Variants in THADA observed in about 807,000 individuals in gnomAD.
THADA encodes the protein tRNA (32-2'-O)-methyltransferase regulator THADA.
A neutral mutation model predicts 219.8 loss-of-function variants in THADA; 213 were observed. The ratio of observed to expected loss-of-function variants is 0.97; its 90% CI spans 0.87 to 1.09. The LOEUF (loss-of-function observed/expected upper bound fraction) is 1.09. Ranked by LOEUF, THADA falls within the 50% of genes least tolerant of loss-of-function variation. THADA has a pLI of 0.00. For synonymous variants in THADA, 1,018 were observed against 828.9 expected, an observed-to-expected ratio of 1.23 and a Z score of -3.92; for missense variants, 2,956 against 2,311.3, an observed-to-expected ratio of 1.28 and a Z score of -5.72.
rs748929596 is a variant in THADA at position 43,556,541 on chromosome 2, C to T, written c.2478G>A (p.Leu826=). 8 of 1,613,600 alleles carry T rather than the reference C, an allele frequency of 5.0e-6. No homozygotes were observed. Among genetic ancestry groups the T allele is most frequent in the Non-Finnish European group, 2.5e-6 (3 of 1,179,676 alleles). ...TAVHFQDSGK[L]QGLFQAALEL... is the part of the protein sequence containing the mutation. ...CCAATGCTGCCTGAAATAAGCCTTG[C>T]AGTTTCCCCGAATCCTAGAATAAAG... is the stretch of plus-strand genomic sequence containing the variant. Residue 826 remains leucine, a synonymous_variant, in exon 17 of 38, where the codon CTG becomes CTA. Coordinates refer to ENST00000405975, the MANE Select transcript of THADA (RefSeq NM_022065.5).
chr2:43,558,523 A>C (rs1210649640), intron 16 of THADA, among the ~76,000 whole-genome samples: 2 of 152,186 alleles, frequency 1.3e-5, no homozygotes, highest in Non-Finnish European at 2.9e-5. Flanking sequence ...AACACAATCT[A>C]ATCAGATGCC....
At chr2:43,522,161 T>C (rs1003022598) in intron 22 of THADA, among the ~76,000 whole-genome samples, 1 of 152,192 alleles carries the variant, frequency 6.6e-6, no homozygotes, top group African/African-American at 2.4e-5. Context: ...AATAGATGTG[T>C]GCAGGAAGGT....
chr2:43,461,251 A>T (rs1683611052), intron 26 of THADA, among the ~76,000 whole-genome samples: 1 of 152,230 alleles, frequency 6.6e-6, no homozygotes, highest in African/African-American at 2.4e-5. Context: ...TATTAAAGAG[A>T]GAATTTTTAA....
rs564117010 is a variant in THADA at position 43,353,822 on chromosome 2, AT to A, written c.4228-9586del. On this transcript the variant is annotated intron_variant, in intron 29 of 37. Transcript: ENST00000405975. ...AGGCATGGGCCACCAAGCTCAGCTA[AT>A]TTTTTTTTTTTTGAGATGTAGTCTC... Among the ~76,000 whole-genome samples, 79 of 138,966 alleles carry A rather than the reference AT, an allele frequency of 5.7e-4. 1 individual carries two copies. The highest frequency in any genetic ancestry group is 6.4e-4 in the Admixed American group (9 of 14,032). 91.2% of individuals were successfully genotyped at this position (138,966 alleles called of 152,430 possible).
chr2:43,427,845 A>T (rs902528697), intron 28 of THADA, among the ~76,000 whole-genome samples: 1 of 149,198 alleles, frequency 6.7e-6, no homozygotes, highest in Non-Finnish European at 1.5e-5. Flanking sequence ...AGCCCCAGCT[A>T]CTCCGGAGGC....
Position 43,592,426 on chromosome 2 carries a change from A to G in THADA, c.-24-10T>C. The G allele has an allele frequency of 6.8e-7, 1 of 1,477,360 alleles. No individual in the cohort carries two copies. The highest frequency in any genetic ancestry group is 9.3e-7 in the Non-Finnish European group (1 of 1,076,418). The allele number at this position is 1,477,360 out of a possible 1,614,324, so 91.5% of individuals were successfully genotyped here. A position where few individuals can be genotyped will look rare whatever the true frequency, so the allele number is the denominator to read the frequency against. On this transcript the variant is annotated splice_polypyrimidine_tract_variant and intron_variant, in intron 1 of 37. Coordinates refer to ENST00000405975, the MANE Select transcript of THADA (RefSeq NM_022065.5). ...GAATTAATAGTAGTCACTGCAAGAA[A>G]GAAGACTTTAAGGCATTAATGTAAG... is the stretch of plus-strand genomic sequence containing the variant.
intron 21 of THADA, among the ~76,000 whole-genome samples, chr2:43,528,236 T>C: frequency 6.7e-6 from 1 of 150,164 alleles, no homozygotes; most frequent in Non-Finnish European, 1.5e-5. Flanking sequence ...GTTCAAGTGA[T>C]TCTCCTGCCT....
rs746624815 is a variant in THADA, at chr2:43,232,689, A to C, written c.5466+24T>G. 4.3e-6 allele frequency: 7 copies of C among 1,611,538 alleles called. No homozygotes were observed. In the South Asian group the frequency reaches 6.6e-5, roughly 15 times the overall value. On this transcript the variant is annotated intron_variant, in intron 37 of 37. Transcript: ENST00000405975. ...TTAGGACACTCCAACCCTGCCTCCT[A>C]CTCCCCTGACACCCCGGGATCACCT...
At chr2:43,376,130 G>A (rs1671356192) in intron 29 of THADA, among the ~76,000 whole-genome samples, 1 of 152,138 alleles carries the variant, frequency 6.6e-6, no homozygotes, top group Middle Eastern at 3.2e-3. Context: ...AACCAGTAAT[G>A]CTCTCTTCTA....
At chr2:43,468,580 A>G (rs1017291511) in intron 26 of THADA, among the ~76,000 whole-genome samples, 1 of 152,198 alleles carries the variant, frequency 6.6e-6, no homozygotes, top group East Asian at 1.9e-4. Flanking sequence ...AAGCTACCCA[A>G]TTATACTCAC....
chr2:43,470,200 C>A (rs1684738177), intron 26 of THADA, among the ~76,000 whole-genome samples: 1 of 128,450 alleles, frequency 7.8e-6, no homozygotes. Context: ...ACGGTGAGAC[C>A]TTGTCTCAAA....
chr2:43,354,904 G>C (rs1185346181), intron 29 of THADA, among the ~76,000 whole-genome samples: 1 of 151,700 alleles, frequency 6.6e-6, no homozygotes, highest in Non-Finnish European at 1.5e-5. Flanking sequence ...CACGAGACCT[G>C]ATGGTTTTAC....
At chr2:43,562,636 T>A (rs376897463) in intron 15 of THADA, 2 of 152,214 alleles carry the variant, frequency 1.3e-5, no homozygotes, top group African/African-American at 4.8e-5. Flanking sequence ...TCCAATTTTT[T>A]GAAAGAGTCT....
At chr2:43,360,236 T>C (rs1269232961) in intron 29 of THADA, among the ~76,000 whole-genome samples, 1 of 152,234 alleles carries the variant, frequency 6.6e-6, no homozygotes, top group Non-Finnish European at 1.5e-5. Context: ...AATTACTATG[T>C]ATCTTTTTAT....
chr2:43,507,310 T>A (rs902154276), intron 23 of THADA, among the ~76,000 whole-genome samples: 1 of 152,218 alleles, frequency 6.6e-6, no homozygotes, highest in Non-Finnish European at 1.5e-5. Flanking sequence ...ACCTACTGAT[T>A]ACTCATTATG....
intron 14 of THADA, among the ~76,000 whole-genome samples, chr2:43,568,336 TC>T (rs1198992976): frequency 1.3e-5 from 2 of 152,108 alleles, no homozygotes; most frequent in Non-Finnish European, 2.9e-5. Flanking sequence ...CCTCCTCTTC[TC>T]CCCCAGCACT....
chr2:43,595,514 G>T (rs1411808766), intron 1 of THADA: 1 of 152,454 alleles, frequency 6.6e-6, no homozygotes, highest in African/African-American at 2.4e-5. Flanking sequence ...AAGCAGACTC[G>T]GTAATTATGC....
intron 26 of THADA, among the ~76,000 whole-genome samples, chr2:43,430,914 G>T (rs1325941124): frequency 6.6e-6 from 1 of 152,184 alleles, no homozygotes; most frequent in East Asian, 1.9e-4. Context: ...CACTGGTTTG[G>T]AGTATGGTTA....
At chr2:43,510,318 G>A (rs1477784180) in intron 22 of THADA, among the ~76,000 whole-genome samples, 3 of 152,084 alleles carry the variant, frequency 2.0e-5, no homozygotes, top group African/African-American at 7.2e-5. Flanking sequence ...TGGATGATGG[G>A]TAAAGGTCGC....
Sources: gnomAD v4.1 joint callset for allele counts (sites outside exome capture counted in the v4.1 genomes callset) on GRCh38, gnomAD v4.1.1 for gene constraint, MANE v1.5 for transcripts, NCBI Gene and HGNC (gene_info 2026-07-23, HGNC 2026-07-21) for gene names.